Variants in MAML2 observed in about 807,000 individuals in gnomAD.
MAML2 encodes the protein mastermind like transcriptional coactivator 2, also known as mastermind-like protein 2.
Under a neutral mutation model 96.1 loss-of-function variants are expected in MAML2, and 22 were observed. The ratio of observed to expected loss-of-function variants is 0.23; its 90% CI spans 0.16 to 0.33. MAML2 has a LOEUF of 0.33. Ranked by LOEUF, MAML2 falls within the 10% of genes least tolerant of loss-of-function variation. The probability of loss-of-function intolerance (pLI) is 1.00; values close to 1 mark genes in which losing one functional copy is unlikely to be tolerated. For synonymous variants in MAML2, 561 were observed against 521.3 expected (o/e 1.08, Z -1.04); for missense variants, 1,367 against 1,392.4 (o/e 0.98, Z 0.29).
chr11:96,182,404 T>G (rs949747583), intron 1 of MAML2, among the ~76,000 whole-genome samples: 15 of 152,204 alleles, frequency 9.9e-5, no homozygotes, highest in African/African-American at 3.6e-4. Context: ...ACAGGTTTCA[T>G]GTCTTCCCTG....
intron 1 of MAML2, among the ~76,000 whole-genome samples, chr11:96,236,139 C>T (rs1426294253): frequency 6.6e-6 from 1 of 152,216 alleles, no homozygotes; most frequent in East Asian, 1.9e-4. Flanking sequence ...AATGGGGCTG[C>T]TCACTGTCAA....
chr11:96,250,077 G>A (rs931359175), intron 1 of MAML2, among the ~76,000 whole-genome samples: 7 of 152,100 alleles, frequency 4.6e-5, no homozygotes, highest in East Asian at 1.9e-4. Flanking sequence ...ACAGTTTCAC[G>A]GCTCGCTCCT....
intron 1 of MAML2, among the ~76,000 whole-genome samples, chr11:96,202,865 T>C (rs1199444207): frequency 2.6e-5 from 4 of 152,148 alleles, no homozygotes; most frequent in Admixed American, 6.5e-5. Context: ...TGACCTCAGG[T>C]GATCTATCCG....
chr11:96,031,410 T>C (rs1197773115), intron 2 of MAML2, among the ~76,000 whole-genome samples: 2 of 152,208 alleles, frequency 1.3e-5, no homozygotes, highest in Non-Finnish European at 2.9e-5. Context: ...TTCCAAACTA[T>C]GCTAAAGAGA....
At chr11:95,997,342 T>C (rs1488454753) in intron 2 of MAML2, among the ~76,000 whole-genome samples, 1 of 152,136 alleles carries the variant, frequency 6.6e-6, no homozygotes, top group African/African-American at 2.4e-5. Flanking sequence ...AGTCTTTTTA[T>C]AGTATTAGTC....
chr11:96,100,887 A>G (rs963134591), intron 1 of MAML2, among the ~76,000 whole-genome samples: 3 of 152,086 alleles, frequency 2.0e-5, no homozygotes, highest in Non-Finnish European at 4.4e-5. Context: ...CTGGGACTAC[A>G]GGAAAGTGAC....
chr11:96,159,531 C>T (rs898913876), intron 1 of MAML2, among the ~76,000 whole-genome samples: 13 of 149,874 alleles, frequency 8.7e-5, no homozygotes, highest in Admixed American at 6.7e-4. Context: ...GTTCACGCCA[C>T]TCTCCCGCCT....
At chr11:96,188,776 CAG>C (rs1861610495) in intron 1 of MAML2, among the ~76,000 whole-genome samples, 1 of 151,698 alleles carries the variant, frequency 6.6e-6, no homozygotes, top group Non-Finnish European at 1.5e-5. Flanking sequence ...GTGGTGAACA[CAG>C]AGTGTGGGCA....
At chr11:96,340,025 G>C (rs1406106097) in intron 1 of MAML2, among the ~76,000 whole-genome samples, 2 of 152,184 alleles carry the variant, frequency 1.3e-5, no homozygotes, top group Non-Finnish European at 2.9e-5. Flanking sequence ...CTGGCCTCAA[G>C]GAGTCCCATT....
chr11:96,110,309 A>G (rs923814664), intron 1 of MAML2, among the ~76,000 whole-genome samples: 1 of 152,244 alleles, frequency 6.6e-6, no homozygotes, highest in Admixed American at 6.5e-5. Context: ...ATTTTTAAAT[A>G]CTTCACAGCA....
intron 2 of MAML2, among the ~76,000 whole-genome samples, chr11:96,065,241 A>C (rs1859226418): frequency 1.3e-5 from 2 of 152,356 alleles, no homozygotes; most frequent in Non-Finnish European, 2.9e-5. Context: ...TATTTATTCC[A>C]AAGCAAATAT....
At chr11:95,995,210 T>C (rs1321277158) in intron 2 of MAML2, among the ~76,000 whole-genome samples, 7 of 152,188 alleles carry the variant, frequency 4.6e-5, no homozygotes, top group African/African-American at 9.6e-5. Context: ...CTCTGAGAAA[T>C]GTAGAGGTCT....
chr11:96,014,941 A>T (rs926234993), intron 2 of MAML2, among the ~76,000 whole-genome samples: 2 of 152,216 alleles, frequency 1.3e-5, no homozygotes, highest in Non-Finnish European at 2.9e-5. Flanking sequence ...CACTTTCTCC[A>T]TATCAGTCAC....
At position 96,170,380 on chromosome 11, in the gene MAML2, G is replaced by A. The variant is rs553950749; in HGVS notation, c.514-76863C>T. ...ATCCATGCTTCTCATCTTCACCAGA[G>A]TACCAGTGTAATTATTTTTATCATA... On this transcript the variant is annotated intron_variant, in intron 1 of 4. Transcript: ENST00000524717. 1.7e-4 allele frequency among the ~76,000 whole-genome samples: 26 copies of A among 152,300 alleles called. 1 individual carries two copies. Among genetic ancestry groups the A allele is most frequent in the Middle Eastern group, 3.4e-3 (1 of 294 alleles).
chr11:96,090,044 A>T lies in MAML2; in HGVS notation c.2139+1848T>A, dbSNP rs376957349. On this transcript the variant is annotated intron_variant, in intron 2 of 4. Transcript: ENST00000524717. ...AATGGCATTTCCCTCATACGGATGA[A>T]ATGAGATGCCACAAGTAAGGGAGGC... Among the ~76,000 whole-genome samples the T allele has an allele frequency of 1.1e-3, 73 of 67,486 alleles. 1 individual carries two copies. In the South Asian group the frequency reaches 0.028, roughly 26 times the overall value. 44.3% of individuals were successfully genotyped at this position (67,486 alleles called of 152,430 possible).
chr11:95,990,483 G>C (rs1857892076), intron 3 of MAML2, among the ~76,000 whole-genome samples: 1 of 152,098 alleles, frequency 6.6e-6, no homozygotes, highest in Admixed American at 6.6e-5. Context: ...TCCACTTTCA[G>C]ATATTCGGTA....
At chr11:96,106,864 T>G (rs181519625) in intron 1 of MAML2, among the ~76,000 whole-genome samples, 1 of 152,190 alleles carries the variant, frequency 6.6e-6, no homozygotes, top group Non-Finnish European at 1.5e-5. Context: ...TCATGATTAA[T>G]ATCTTGTATC....
At chr11:96,225,342 C>T (rs1234725940) in intron 1 of MAML2, among the ~76,000 whole-genome samples, 1 of 152,158 alleles carries the variant, frequency 6.6e-6, no homozygotes, top group East Asian at 1.9e-4. Flanking sequence ...GATGGTGTCA[C>T]CTGTCAACAG....
At chr11:96,171,220 T>G (rs1182154734) in intron 1 of MAML2, among the ~76,000 whole-genome samples, 1 of 152,148 alleles carries the variant, frequency 6.6e-6, no homozygotes, top group Non-Finnish European at 1.5e-5. Context: ...AGATTGTATG[T>G]GAGCTGAGAA....
Sources: gnomAD v4.1 joint callset for allele counts (sites outside exome capture counted in the v4.1 genomes callset) on GRCh38, gnomAD v4.1.1 for gene constraint, MANE v1.5 for transcripts, NCBI Gene and HGNC (gene_info 2026-07-23, HGNC 2026-07-21) for gene names.